The following RBFOX2 variants were observed in gnomAD, a reference collection of about 807,000 sequenced individuals.
The protein encoded by RBFOX2 is RNA binding fox-1 homolog 2.
In RBFOX2, 10 loss-of-function variants were observed where a neutral mutation model predicts 49.1. That is an observed-to-expected ratio of 0.20 (90% CI 0.13 to 0.35). The LOEUF is 0.35. RBFOX2 is among the 10% of genes least tolerant of loss of function. The pLI is 1.00. For missense variants in RBFOX2, 323 were observed against 486.9 expected, an observed-to-expected ratio of 0.66 and a Z score of 3.17; for synonymous variants, 183 against 187.4, an observed-to-expected ratio of 0.98 and a Z score of 0.19.
upstream of RBFOX2, among the ~76,000 whole-genome samples, chr22:35,841,646 G>A (rs1236179716): frequency 2.0e-5 from 3 of 152,108 alleles, no homozygotes; most frequent in African/African-American, 7.2e-5. Flanking sequence ...GTTATGCTAT[G>A]TATTTTTAGG....
intron 4 of RBFOX2, among the ~76,000 whole-genome samples, chr22:35,773,962 T>C (rs775279871): frequency 2.0e-5 from 3 of 152,068 alleles, no homozygotes; most frequent in Non-Finnish European, 4.4e-5. Flanking sequence ...TAGGTGACCA[T>C]TTTGGGTTAT....
At chr22:35,863,461 CA>C in intron 1 of RBFOX2, among the ~76,000 whole-genome samples, 1 of 152,030 alleles carries the variant, frequency 6.6e-6, no homozygotes. Flanking sequence ...AAAGCTAATC[CA>C]AAAAGGCGGC....
chr22:35,746,572 G>C lies in RBFOX2; in HGVS notation c.888-11C>G, dbSNP rs752696282. On this transcript the variant is annotated splice_polypyrimidine_tract_variant and intron_variant, in intron 9 of 11. Transcript: ENST00000405409. ...GGCTGCATATCCACCCTACAGGAGA[G>C]AAGAGAACTGACTTTACAGATACCT... The C allele has an allele frequency of 7.2e-6, 11 of 1,529,102 alleles. No individual in the cohort carries two copies. In the East Asian group the frequency reaches 2.4e-4, roughly 33 times the overall value. The allele number at this position is 1,529,102 out of a possible 1,614,324, so 94.7% of individuals were successfully genotyped here.
At chr22:35,798,801 A>G (rs1048184197) in intron 2 of RBFOX2, among the ~76,000 whole-genome samples, 6 of 152,176 alleles carry the variant, frequency 3.9e-5, no homozygotes, top group Admixed American at 3.9e-4. Flanking sequence ...TTATTTTCCT[A>G]ATTATCCAGT....
chr22:35,761,581 C>T (rs947687358), intron 6 of RBFOX2, 113 bp from the exon 8 acceptor site: 1 of 1,072,672 alleles, frequency 9.3e-7, no homozygotes, highest in African/African-American at 1.6e-5. Context: ...CTATTATCAA[C>T]TTCTCTTTGG....
chr22:35,923,945 CA>C (rs11295577), intron 1 of RBFOX2, among the ~76,000 whole-genome samples: 9,781 of 133,814 alleles, frequency 0.073, 1,039 homozygotes, highest in African/African-American at 0.24. Context: ...AAGTAAAATG[CA>C]AAAAAAAAAA....
chr22:36,002,594 C>T (rs2058470517), intron 1 of RBFOX2, among the ~76,000 whole-genome samples: 1 of 152,244 alleles, frequency 6.6e-6, no homozygotes, highest in Non-Finnish European at 1.5e-5. Context: ...ACTAATGCTT[C>T]TATCACACCA....
At chr22:35,785,386 C>T (rs1228743689) in intron 2 of RBFOX2, among the ~76,000 whole-genome samples, 5 of 152,178 alleles carry the variant, frequency 3.3e-5, no homozygotes, top group Admixed American at 2.6e-4. Flanking sequence ...AACCCGATGG[C>T]TTGCTGAGCT....
rs112407323 is a variant in RBFOX2, at chr22:35,953,832, G to T, written c.42+7731C>A. Among the ~76,000 whole-genome samples the T allele has an allele frequency of 4.9e-3, 738 of 152,072 alleles. 10 individuals carry two copies. Among genetic ancestry groups the T allele is most frequent in the African/African-American group, 0.016 (680 of 41,480 alleles). ...AGTGCTGTATCTCAATATATACTCT[G>T]GAAAACTGAAGATTCAAAGTGGTTC... On this transcript the variant is annotated intron_variant, in intron 1 of 5. Transcript: ENST00000408983.
intron 1 of RBFOX2, among the ~76,000 whole-genome samples, chr22:36,011,330 T>C (rs1030503229): frequency 6.6e-6 from 1 of 152,092 alleles, no homozygotes; most frequent in African/African-American, 2.4e-5. Context: ...ACAAGAGATG[T>C]AGATTAGGTC....
intron 1 of RBFOX2, among the ~76,000 whole-genome samples, chr22:36,010,282 G>A (rs769509823): frequency 6.6e-6 from 1 of 152,218 alleles, no homozygotes; most frequent in Non-Finnish European, 1.5e-5. Context: ...ACAAATGCCT[G>A]GAAACTTTAC....
intron 1 of RBFOX2, among the ~76,000 whole-genome samples, chr22:35,930,073 G>C (rs2052187194): frequency 7.0e-6 from 1 of 143,172 alleles, no homozygotes; most frequent in African/African-American, 2.7e-5. Flanking sequence ...CCAGGCTCGA[G>C]TGCAGTGGCA....
chr22:36,006,763 T>C (rs2058634599), intron 1 of RBFOX2, among the ~76,000 whole-genome samples: 1 of 152,192 alleles, frequency 6.6e-6, no homozygotes, highest in Non-Finnish European at 1.5e-5. Context: ...TGACCTGCCC[T>C]GCTTATCCAC....
intron 1 of RBFOX2, among the ~76,000 whole-genome samples, chr22:36,020,802 T>C (rs970031902): frequency 3.9e-5 from 6 of 152,238 alleles, no homozygotes; most frequent in Non-Finnish European, 7.3e-5. Flanking sequence ...TTGGTGGGAC[T>C]GTAAACTAGT....
chr22:36,009,091 C>G lies in RBFOX2; in HGVS notation c.186+19149G>C, dbSNP rs1603465943. On this transcript the variant is annotated intron_variant, in intron 1 of 13. Transcript: ENST00000438146. ...CATGCATTTGCTTCTGTATGGTACCCAGCATAGTTAATACTAGAAGTCTTT... is the reference window on the plus strand; with the variant it reads ...CATGCATTTGCTTCTGTATGGTACCGAGCATAGTTAATACTAGAAGTCTTT... 9.2e-5 allele frequency among the ~76,000 whole-genome samples: 14 copies of G among 152,246 alleles called. No individual in the cohort carries two copies. In the South Asian group the frequency reaches 2.9e-3, roughly 32 times the overall value.
rs1043339092 is a variant in RBFOX2 at position 35,934,177 on chromosome 22, A to C, written c.-34+4670T>G. Among the ~76,000 whole-genome samples, 6 of 151,788 alleles carry C rather than the reference A, an allele frequency of 4.0e-5. 1 individual carries two copies. The South Asian group carries it at 1.2e-3, about 32-fold the overall frequency. On this transcript the variant is annotated intron_variant, in intron 1 of 13. Transcript: ENST00000359369. The stretch of plus-strand genomic sequence containing the variant: ...ACCGTGTTCCTCTTTAAAAAAAAAA[A>C]CAAATTAGAACTCACAGATGATGCT...
chr22:35,965,049 T>A (rs565277283), upstream of RBFOX2, among the ~76,000 whole-genome samples: 8 of 152,166 alleles, frequency 5.3e-5, no homozygotes, highest in Non-Finnish European at 1.0e-4. Flanking sequence ...AAAGAACAAA[T>A]AAATAGAGCT....
chr22:35,951,811 T>C (rs1220483850), intron 1 of RBFOX2, among the ~76,000 whole-genome samples: 1 of 152,006 alleles, frequency 6.6e-6, no homozygotes, highest in African/African-American at 2.4e-5. Context: ...AGGTCTGTCT[T>C]ACATTAAAGT....
chr22:35,990,174 T>G (rs2057912247), intron 1 of RBFOX2, among the ~76,000 whole-genome samples: 1 of 152,136 alleles, frequency 6.6e-6, no homozygotes, highest in Non-Finnish European at 1.5e-5. Context: ...AGAGTGAGAC[T>G]CTGTCTAAAA....
Sources: allele counts gnomAD v4.1 joint callset (sites outside exome capture counted in the v4.1 genomes callset), GRCh38; gene constraint gnomAD v4.1.1; transcripts MANE v1.5; gene names NCBI Gene and HGNC (gene_info 2026-07-23, HGNC 2026-07-21).